The following GSG1L variants were observed in gnomAD, a reference collection of about 807,000 sequenced individuals.
GSG1L encodes the protein germ cell-specific gene 1-like protein.
Under a neutral mutation model 42.1 loss-of-function variants are expected in GSG1L, and 24 were observed. The ratio of observed to expected loss-of-function variants is 0.57; its 90% CI spans 0.41 to 0.80. The LOEUF (loss-of-function observed/expected upper bound fraction) is 0.80. Ranked by LOEUF, GSG1L falls within the 30% of genes least tolerant of loss-of-function variation. The probability of loss-of-function intolerance (pLI) is 0.00; values close to 1 mark genes in which losing one functional copy is unlikely to be tolerated. For synonymous variants in GSG1L, 215 were observed against 203.5 expected (o/e 1.06, Z -0.48); for missense variants, 445 against 472.2 (o/e 0.94, Z 0.53).
At chr16:27,974,710 G>T (rs572683390) in intron 1 of GSG1L, among the ~76,000 whole-genome samples, 1 of 152,106 alleles carries the variant, frequency 6.6e-6, no homozygotes, top group Admixed American at 6.6e-5. Flanking sequence ...TCAACTCAAG[G>T]TCACCAACTC....
intron 5 of GSG1L, among the ~76,000 whole-genome samples, chr16:27,821,348 T>C (rs1016746674): frequency 1.3e-5 from 2 of 152,042 alleles, no homozygotes; most frequent in African/African-American, 4.8e-5. Context: ...GTGCATTGCA[T>C]GATGCTGAGG....
intron 1 of GSG1L, among the ~76,000 whole-genome samples, chr16:28,004,717 G>A (rs770088979): frequency 2.6e-5 from 4 of 152,048 alleles, no homozygotes; most frequent in African/African-American, 9.7e-5. Flanking sequence ...GGTGGAAGCC[G>A]CAGTGAGCTA....
chr16:27,867,955 A>G (rs1054420409), intron 3 of GSG1L, among the ~76,000 whole-genome samples: 4 of 152,250 alleles, frequency 2.6e-5, no homozygotes, highest in African/African-American at 9.6e-5. Flanking sequence ...ATCCCTTGCT[A>G]CACTCACTCC....
intron 1 of GSG1L, among the ~76,000 whole-genome samples, chr16:27,975,145 C>G (rs1351954071): frequency 6.6e-6 from 1 of 152,260 alleles, no homozygotes; most frequent in East Asian, 1.9e-4. Flanking sequence ...GGGAACCACA[C>G]TTTGAGAGCC....
At chr16:28,014,340 T>C (rs1352042562) in intron 1 of GSG1L, among the ~76,000 whole-genome samples, 1 of 152,198 alleles carries the variant, frequency 6.6e-6, no homozygotes, top group Non-Finnish European at 1.5e-5. Context: ...CACGGGAACA[T>C]GCCTCAGTTA....
At chr16:27,889,368 T>C (rs1451416871) in intron 2 of GSG1L, among the ~76,000 whole-genome samples, 1 of 152,154 alleles carries the variant, frequency 6.6e-6, no homozygotes, top group Non-Finnish European at 1.5e-5. Flanking sequence ...TTCAGCCCAC[T>C]CCAGCCAAGG....
intron 2 of GSG1L, among the ~76,000 whole-genome samples, chr16:27,899,709 C>A (rs1362969336): frequency 1.3e-5 from 2 of 152,032 alleles, no homozygotes; most frequent in African/African-American, 4.8e-5. Flanking sequence ...AGAAGGACAC[C>A]CTGTCTCAAA....
In GSG1L at chr16:28,014,734, G is replaced by A. The variant is rs575363081; in HGVS notation, c.349+48342C>T. Among the ~76,000 whole-genome samples, 4 of 147,962 alleles carry A rather than the reference G, an allele frequency of 2.7e-5. No individual in the cohort carries two copies. The South Asian group carries it at 8.6e-4, about 32-fold the overall frequency. On this transcript the variant is annotated intron_variant, in intron 1 of 6. Transcript: ENST00000447459. ...GGCTGGTCTTGAACTCCTAGGCTCA[G>A]GCAATCCTCCCACCTCAGCCTTCCA...
intron 5 of GSG1L, among the ~76,000 whole-genome samples, chr16:27,815,292 T>G (rs1420991313): frequency 1.1e-4 from 16 of 152,182 alleles, no homozygotes; most frequent in Admixed American, 1.0e-3. Context: ...GCTGGTTGTT[T>G]AAAGGAGCCT....
chr16:27,927,109 C>A (rs1429228397), intron 2 of GSG1L, among the ~76,000 whole-genome samples: 1 of 152,060 alleles, frequency 6.6e-6, no homozygotes, highest in African/African-American at 2.4e-5. Context: ...CCAATCTACT[C>A]CCAACGCAGC....
rs1048302753 is a variant in GSG1L at position 28,059,388 on chromosome 16, C to T, written c.349+3688G>A. ...GGGTCTTCTGGCTTCACACCCACCCCGTCACCACCCAGCCCTGGGACTGGT... is the reference window on the plus strand; with the variant it reads ...GGGTCTTCTGGCTTCACACCCACCCTGTCACCACCCAGCCCTGGGACTGGT... On this transcript the variant is annotated intron_variant, in intron 1 of 6. Coordinates refer to ENST00000447459, the MANE Select transcript of GSG1L (RefSeq NM_001109763.2). This position sits in a 1 kb window ranked among gnomAD's most constrained non-coding sequence, Gnocchi z 4.4. 2.0e-5 allele frequency among the ~76,000 whole-genome samples: 3 copies of T among 152,080 alleles called. No individual in the cohort carries two copies. The South Asian group carries it at 6.2e-4, about 32-fold the overall frequency.
chr16:27,908,164 T>A (rs548463368), intron 2 of GSG1L, among the ~76,000 whole-genome samples: 18 of 152,334 alleles, frequency 1.2e-4, no homozygotes, highest in Non-Finnish European at 2.5e-4. Flanking sequence ...CTTGCACCTG[T>A]TGTCACCCAG....
Position 28,063,215 on chromosome 16 carries a change from G to A in GSG1L, c.210C>T (p.Ala70=). Residue 70 remains alanine (A), a synonymous_variant, in exon 1 of 7, where the codon GCC becomes GCT. Transcript: ENST00000447459. This position sits in a 1 kb window ranked among gnomAD's most constrained non-coding sequence, Gnocchi z 5.8. The part of the protein sequence containing the change: ...TANGTAAPAA[A]AAAATASGNG... ...TCCCCGAGGCGGTGGCGGCGGCGGC[G>A]GCGGCGGCGGGGGCGGCGGTGCCGT... 8.7e-6 allele frequency: 11 copies of A among 1,262,010 alleles called. No homozygotes were observed. The highest frequency in any genetic ancestry group is 3.2e-5 in the African/African-American group (2 of 63,428). 78.2% of individuals were successfully genotyped at this position (1,262,010 alleles called of 1,614,324 possible). A position where few individuals can be genotyped will look rare whatever the true frequency, so the allele number is the denominator to read the frequency against.
chr16:28,042,755 G>C (rs1318927628), intron 1 of GSG1L, among the ~76,000 whole-genome samples: 1 of 152,186 alleles, frequency 6.6e-6, no homozygotes, highest in Admixed American at 6.5e-5. Flanking sequence ...AGACGTGCTT[G>C]TTAGAGGAAA....
chr16:27,868,892 A>T (rs970268919), intron 3 of GSG1L, among the ~76,000 whole-genome samples: 3 of 152,212 alleles, frequency 2.0e-5, no homozygotes, highest in African/African-American at 7.2e-5. Context: ...CACTCAAGGC[A>T]TCTTGAGTTT....
chr16:28,059,806 G>A lies in GSG1L; in HGVS notation c.349+3270C>T, dbSNP rs1436060625. 2.6e-5 allele frequency among the ~76,000 whole-genome samples: 4 copies of A among 152,200 alleles called. No homozygotes were observed. The highest frequency in any genetic ancestry group is 4.4e-5 in the Non-Finnish European group (3 of 68,050). Reference sequence around the variant, plus strand: ...TCCCTTTCTGTTTGTGGAAGGACGCGGGTGCTCTTCTTGGAGCAAGGAGAA... The same window carrying A: ...TCCCTTTCTGTTTGTGGAAGGACGCAGGTGCTCTTCTTGGAGCAAGGAGAA... On this transcript the variant is annotated intron_variant, in intron 1 of 6. Transcript: ENST00000447459. The surrounding 1 kb of genome is among the most constrained non-coding windows in gnomAD (Gnocchi z 4.4).
At chr16:27,894,781 A>G (rs983877658) in intron 2 of GSG1L, among the ~76,000 whole-genome samples, 2 of 152,222 alleles carry the variant, frequency 1.3e-5, no homozygotes, top group Non-Finnish European at 2.9e-5. Flanking sequence ...AGAAATCTCA[A>G]TGCAAAAAGG....
chr16:27,866,287 AG>A (rs1485119587), intron 3 of GSG1L, among the ~76,000 whole-genome samples: 1 of 152,194 alleles, frequency 6.6e-6, no homozygotes, highest in Non-Finnish European at 1.5e-5. Flanking sequence ...ATACCATGAA[AG>A]TCTCAGTGCT....
chr16:27,895,330 A>T (rs1300717578), intron 2 of GSG1L, among the ~76,000 whole-genome samples: 2 of 152,090 alleles, frequency 1.3e-5, no homozygotes, highest in East Asian at 3.9e-4. Context: ...GACAGGGGAC[A>T]CGGATCCCAC....
Sources: allele counts gnomAD v4.1 joint callset (sites outside exome capture counted in the v4.1 genomes callset), GRCh38; gene constraint gnomAD v4.1.1; non-coding constraint Gnocchi (gnomAD v3.1); transcripts MANE v1.5; gene names NCBI Gene and HGNC (gene_info 2026-07-23, HGNC 2026-07-21).